GRID2: variants seen among roughly 807,000 people sequenced by gnomAD.
GRID2 encodes the protein glutamate ionotropic receptor delta type subunit 2.
In GRID2, 33 loss-of-function variants were observed where a neutral mutation model predicts 114.8. That is an observed-to-expected ratio of 0.29 (90% CI 0.22 to 0.38). GRID2 has a LOEUF of 0.38. Among genes scored for constraint, GRID2 ranks in the 10% least tolerant of loss-of-function variants. GRID2 has a pLI of 1.00. For missense variants in GRID2, 1,184 were observed against 1,257.7 expected, an observed-to-expected ratio of 0.94 and a Z score of 0.89; for synonymous variants, 505 against 449.9, an observed-to-expected ratio of 1.12 and a Z score of -1.55.
chr4:92,944,052 A>T (rs925984747), intron 2 of GRID2, among the ~76,000 whole-genome samples: 1 of 152,140 alleles, frequency 6.6e-6, no homozygotes, highest in African/African-American at 2.4e-5. Flanking sequence ...TGAGGAGGCA[A>T]TCTGTCCATT....
intron 2 of GRID2, among the ~76,000 whole-genome samples, chr4:93,059,215 A>G (rs1342208865): frequency 2.0e-5 from 3 of 152,180 alleles, no homozygotes; most frequent in Non-Finnish European, 4.4e-5. Flanking sequence ...GCAAATGAGT[A>G]TAAAATGTTA....
chr4:93,153,337 T>C (rs1173586828), intron 4 of GRID2, among the ~76,000 whole-genome samples: 1 of 152,064 alleles, frequency 6.6e-6, no homozygotes, highest in Non-Finnish European at 1.5e-5. Flanking sequence ...AATCGGACTT[T>C]CATTTTGAGG....
intron 2 of GRID2, among the ~76,000 whole-genome samples, chr4:93,047,526 C>CT (rs34067693): frequency 7.3e-4 from 111 of 151,162 alleles, no homozygotes; most frequent in Non-Finnish European, 9.3e-4. Flanking sequence ...TTATACCATC[C>CT]TTTTTTTTTA....
intron 1 of GRID2, among the ~76,000 whole-genome samples, chr4:92,364,193 G>T (rs1728747114): frequency 6.6e-6 from 1 of 152,012 alleles, no homozygotes; most frequent in South Asian, 2.1e-4. Flanking sequence ...TTATGAACAT[G>T]CTTAAGCATT....
At chr4:92,582,784 G>A (rs977504611) in intron 1 of GRID2, among the ~76,000 whole-genome samples, 1 of 151,802 alleles carries the variant, frequency 6.6e-6, no homozygotes, top group Admixed American at 6.6e-5. Context: ...TCAGAAGTTC[G>A]AGATAAGCCT....
chr4:93,323,890 A>T (rs553921151), intron 8 of GRID2, among the ~76,000 whole-genome samples: 37 of 152,184 alleles, frequency 2.4e-4, no homozygotes, highest in Admixed American at 1.2e-3. Flanking sequence ...TTTTTGCACA[A>T]TGATTTTGTA....
intron 8 of GRID2, among the ~76,000 whole-genome samples, chr4:93,325,935 A>G (rs1184418796): frequency 6.6e-6 from 1 of 152,070 alleles, no homozygotes; most frequent in Non-Finnish European, 1.5e-5. Flanking sequence ...AGTTCTCAAG[A>G]GATACATTTT....
chr4:92,656,842 G>T (rs147023410), intron 2 of GRID2, among the ~76,000 whole-genome samples: 2 of 151,754 alleles, frequency 1.3e-5, no homozygotes, highest in East Asian at 3.9e-4. Flanking sequence ...AAGATGTGAC[G>T]TAATTAAGGT....
intron 10 of GRID2, among the ~76,000 whole-genome samples, chr4:93,450,532 C>A (rs1479253680): frequency 6.6e-6 from 1 of 151,564 alleles, no homozygotes; most frequent in Admixed American, 6.6e-5. Flanking sequence ...TACATATAAT[C>A]ATTTATTTTA....
chr4:92,809,244 G>T (rs1367958748), intron 2 of GRID2, among the ~76,000 whole-genome samples: 1 of 151,924 alleles, frequency 6.6e-6, no homozygotes. Context: ...GAGCCACTTT[G>T]CAAATAAAAA....
chr4:92,936,558 G>T (rs1341002570), intron 2 of GRID2, among the ~76,000 whole-genome samples: 1 of 146,060 alleles, frequency 6.8e-6, no homozygotes, highest in Non-Finnish European at 1.5e-5. Flanking sequence ...TTAGTAGATT[G>T]TGGTTTCCAG....
At chr4:92,774,629 C>T (rs910126408) in intron 2 of GRID2, among the ~76,000 whole-genome samples, 8 of 133,190 alleles carry the variant, frequency 6.0e-5, no homozygotes, top group Admixed American at 1.7e-4. Flanking sequence ...GTCACCCAGG[C>T]TGAAGTGCAG....
intron 14 of GRID2, among the ~76,000 whole-genome samples, chr4:93,669,635 T>C (rs368443403): frequency 6.6e-6 from 1 of 152,122 alleles, no homozygotes. Flanking sequence ...TGTCTCCCCA[T>C]TCCCTTGCAT....
intron 12 of GRID2, among the ~76,000 whole-genome samples, chr4:93,513,836 T>G (rs1326332229): frequency 1.3e-5 from 2 of 152,322 alleles, no homozygotes; most frequent in Admixed American, 6.5e-5. Flanking sequence ...CAACACAATT[T>G]TGTACATGAT....
At chr4:92,460,499 T>C (rs1220158838) in intron 1 of GRID2, among the ~76,000 whole-genome samples, 1 of 152,168 alleles carries the variant, frequency 6.6e-6, no homozygotes, top group Admixed American at 6.5e-5. Context: ...TATCCATCTG[T>C]AATGGAAGGG....
intron 2 of GRID2, among the ~76,000 whole-genome samples, chr4:92,622,078 G>T (rs1019948916): frequency 6.6e-6 from 1 of 151,642 alleles, no homozygotes; most frequent in Non-Finnish European, 1.5e-5. Flanking sequence ...AATAATTGAG[G>T]CAATGTGGAA....
At chr4:93,407,739 C>CTCCTCCTCCTCG (rs1560588457) in intron 9 of GRID2, among the ~76,000 whole-genome samples, 8 of 126,006 alleles carry the variant, frequency 6.3e-5, no homozygotes, top group African/African-American at 1.7e-4. Context: ...CCTCCTCCTC[C>CTCCTCCTCCTCG]TCCTCCTCCT....
At chr4:92,631,640 A>G (rs776840391) in intron 2 of GRID2, among the ~76,000 whole-genome samples, 2 of 152,058 alleles carry the variant, frequency 1.3e-5, no homozygotes, top group Non-Finnish European at 2.9e-5. Flanking sequence ...TTTTAAGTAG[A>G]GTTTTTATTT....
intron 3 of GRID2, among the ~76,000 whole-genome samples, chr4:93,086,624 G>A (rs1025120026): frequency 5.9e-5 from 9 of 152,310 alleles, no homozygotes; most frequent in Middle Eastern, 3.4e-3. Context: ...TTGTCTCCAA[G>A]ACGGAAATCC....
Sources: gnomAD v4.1 joint callset for allele counts (sites outside exome capture counted in the v4.1 genomes callset) on GRCh38, gnomAD v4.1.1 for gene constraint, MANE v1.5 for transcripts, NCBI Gene and HGNC (gene_info 2026-07-23, HGNC 2026-07-21) for gene names.